PHF20: variants seen among roughly 807,000 people sequenced by gnomAD.
PHF20 encodes glioma-expressed antigen 2.
PHF20 carries 23 observed loss-of-function variants against 113.5 expected under a neutral mutation model. The observed-to-expected ratio is 0.20, with a 90% CI of 0.15 to 0.29. The LOEUF is 0.29. Ranked by LOEUF, PHF20 falls within the 10% of genes least tolerant of loss-of-function variation. The pLI is 1.00. For missense variants in PHF20, 943 were observed against 1,219.6 expected (o/e 0.77, Z 3.38); for synonymous variants, 434 against 457.3 (o/e 0.95, Z 0.65).
intron 7 of PHF20, 44 bp downstream of exon 7, chr20:35,869,595 T>A (rs764410698): frequency 9.6e-7 from 1 of 1,041,632 alleles, no homozygotes; most frequent in South Asian, 1.3e-5. Flanking sequence ...TTTGACGTTG[T>A]TTGGGTCAAC....
chr20:35,790,957 C>T (rs1001151261), intron 1 of PHF20, among the ~76,000 whole-genome samples: 2 of 152,074 alleles, frequency 1.3e-5, no homozygotes, highest in East Asian at 1.9e-4. Context: ...CTCCTGGGTT[C>T]GAGCGATTCT....
intron 1 of PHF20, among the ~76,000 whole-genome samples, chr20:35,776,504 G>C (rs1173071027): frequency 6.6e-6 from 1 of 152,092 alleles, no homozygotes; most frequent in Non-Finnish European, 1.5e-5. Context: ...GTCTCAAGTG[G>C]GTTTTTCCTT....
At chr20:35,775,809 G>GTA (rs963590675) in intron 1 of PHF20, among the ~76,000 whole-genome samples, 28 of 148,432 alleles carry the variant, frequency 1.9e-4, no homozygotes, top group East Asian at 1.8e-3. Flanking sequence ...GTTTCTGTGT[G>GTA]TATATATATA....
rs1475110505 is a variant in PHF20 at position 35,947,897 on chromosome 20, C to A, written c.*270C>A. 1 of 318,888 alleles carries A rather than the reference C, an allele frequency of 3.1e-6. No homozygotes were observed. Among genetic ancestry groups the A allele is most frequent in the Non-Finnish European group, 5.8e-6 (1 of 172,394 alleles). The allele number at this position is 318,888 out of a possible 1,614,324, so 19.8% of individuals were successfully genotyped here. On this transcript the variant is annotated 3_prime_UTR_variant, in exon 18 of 18. Coordinates refer to ENST00000374012, the MANE Select transcript of PHF20 (RefSeq NM_016436.5). The stretch of plus-strand genomic sequence containing the variant: ...TCGTTGAATGAAGAGAGTCTTTTTG[C>A]ACAAACTTCACTTGAAATTGTGCCA...
Position 35,947,610 on chromosome 20 carries a change from C to G in PHF20, c.3022C>G (p.Leu1008Val), listed in dbSNP as rs748532245. ...CCTGGGCAAGGTGCAGCAGATCGCC[C>G]TCTGCTGCTCAACATGAAACTGGGC... ...MDLGKVQQIALCCST is the reference protein window; with the variant it reads ...MDLGKVQQIAVCCST The change falls in exon 18 of 18, where the codon CTC (leucine) becomes GTC (valine). Residue 1008 changes from leucine to valine, a missense_variant. Coordinates refer to ENST00000374012, the MANE Select transcript of PHF20 (RefSeq NM_016436.5). 2 of 1,613,834 alleles carry G rather than the reference C, an allele frequency of 1.2e-6. No homozygotes were observed. The highest frequency in any genetic ancestry group is 3.3e-5 in the Admixed American group (2 of 60,022).
chr20:35,800,185 T>C (rs1444868582), intron 1 of PHF20: 1 of 152,194 alleles, frequency 6.6e-6, no homozygotes, highest in Non-Finnish European at 1.5e-5. Flanking sequence ...TGAATATTTT[T>C]ACTGTTTTAT....
chr20:35,813,694 C>T (rs752555227), intron 2 of PHF20, among the ~76,000 whole-genome samples: 18 of 152,000 alleles, frequency 1.2e-4, no homozygotes, highest in Admixed American at 1.3e-4. Flanking sequence ...CCTGTCTCTA[C>T]GAAAAATACA....
At chr20:35,846,558 A>G (rs1030378872) in intron 3 of PHF20, among the ~76,000 whole-genome samples, 2 of 152,238 alleles carry the variant, frequency 1.3e-5, no homozygotes, top group Non-Finnish European at 2.9e-5. Context: ...AAGACCCTTT[A>G]GAAGTGTAGA....
intron 1 of PHF20, among the ~76,000 whole-genome samples, chr20:35,780,071 G>T (rs1201097185): frequency 1.3e-5 from 2 of 152,002 alleles, no homozygotes; most frequent in East Asian, 3.9e-4. Context: ...AGGTTTCTTT[G>T]CCTCCTGTCC....
Position 35,784,953 on chromosome 20 carries a change from G to C in PHF20, c.-33+12874G>C, listed in dbSNP as rs1600725420. Among the ~76,000 whole-genome samples the C allele has an allele frequency of 2.0e-5, 3 of 152,068 alleles. No individual in the cohort carries two copies. In the Middle Eastern group the frequency reaches 0.01, roughly 517 times the overall value. On this transcript the variant is annotated intron_variant, in intron 1 of 17. Transcript: ENST00000374012. The stretch of plus-strand genomic sequence containing the variant: ...GTAGTCCCAGCACTGGGGGAGCTGA[G>C]GTGGGGAGGATGGTTTGAGCCTGGG...
chr20:35,942,039 C>T (rs1383557946), intron 17 of PHF20, among the ~76,000 whole-genome samples: 1 of 152,082 alleles, frequency 6.6e-6, no homozygotes, highest in Non-Finnish European at 1.5e-5. Context: ...GTGGCTCACA[C>T]CTATAATCCC....
intron 9 of PHF20, among the ~76,000 whole-genome samples, chr20:35,884,929 C>T (rs1055987836): frequency 1.3e-5 from 2 of 152,174 alleles, no homozygotes; most frequent in African/African-American, 2.4e-5. Context: ...CTCCTGGGTT[C>T]AAGCAATTCT....
chr20:35,947,356 TGGAGGC>T, intron 17 of PHF20, 123 bp from the exon 18 acceptor site: 4 of 859,176 alleles, frequency 4.7e-6, no homozygotes, highest in Admixed American at 2.4e-5. Context: ...CCTTGCCCCA[TGGAGGC>T]TGAAATGGCC....
intron 10 of PHF20, among the ~76,000 whole-genome samples, chr20:35,912,959 C>G (rs1030181718): frequency 1.3e-5 from 2 of 152,228 alleles, no homozygotes. Flanking sequence ...GTTGAAAGGT[C>G]TCTGTCCTCA....
chr20:35,850,474 C>A (rs1369246533), intron 4 of PHF20, among the ~76,000 whole-genome samples: 1 of 148,234 alleles, frequency 6.7e-6, no homozygotes, highest in Admixed American at 6.8e-5. Context: ...CCACACCTGG[C>A]TAATTTATAT....
intron 6 of PHF20, 151 bp from the exon 7 acceptor site, chr20:35,869,287 T>C: frequency 4.3e-6 from 2 of 467,284 alleles, no homozygotes; most frequent in African/African-American, 2.1e-5. Context: ...CTTTTTTTCT[T>C]TTATCTTAAG....
At chr20:35,892,158 A>G (rs2054882891) in intron 9 of PHF20, among the ~76,000 whole-genome samples, 1 of 151,500 alleles carries the variant, frequency 6.6e-6, no homozygotes, top group Non-Finnish European at 1.5e-5. Flanking sequence ...CCCAGGTTCA[A>G]GCGATTCTCC....
chr20:35,829,817 A>G (rs1395704326), intron 2 of PHF20, among the ~76,000 whole-genome samples: 1 of 151,400 alleles, frequency 6.6e-6, no homozygotes, highest in Non-Finnish European at 1.5e-5. Context: ...TAACGTGGAA[A>G]CCCTGTCTCT....
At chr20:35,878,079 A>G (rs1043568920) in intron 9 of PHF20, among the ~76,000 whole-genome samples, 3 of 152,176 alleles carry the variant, frequency 2.0e-5, no homozygotes, top group East Asian at 1.9e-4. Context: ...TGTGTTCTCT[A>G]TGGTTTCTTG....
Sources: gnomAD v4.1 joint callset for allele counts (sites outside exome capture counted in the v4.1 genomes callset) on GRCh38, gnomAD v4.1.1 for gene constraint, MANE v1.5 for transcripts, NCBI Gene and HGNC (gene_info 2026-07-23, HGNC 2026-07-21) for gene names.